ERBB4: variants seen among roughly 807,000 people sequenced by gnomAD.
The protein encoded by ERBB4 is erb-b2 receptor tyrosine kinase 4, also known as receptor tyrosine-protein kinase erbB-4.
A neutral mutation model predicts 158.0 loss-of-function variants in ERBB4; 42 were observed. That is an observed-to-expected ratio of 0.27 (90% CI 0.21 to 0.34). The LOEUF is 0.34. Among genes scored for constraint, ERBB4 ranks in the 10% least tolerant of loss-of-function variants. ERBB4 has a pLI of 1.00. For missense variants in ERBB4, 1,333 were observed against 1,624.1 expected, an observed-to-expected ratio of 0.82 and a Z score of 3.08; for synonymous variants, 583 against 558.7, an observed-to-expected ratio of 1.04 and a Z score of -0.61.
intron 2 of ERBB4, among the ~76,000 whole-genome samples, chr2:211,989,675 A>C (rs1186753768): frequency 6.6e-6 from 1 of 151,934 alleles, no homozygotes. Flanking sequence ...GTGATTTGCT[A>C]TGATATTAGG....
chr2:212,142,289 A>G (rs1040857495), intron 1 of ERBB4, among the ~76,000 whole-genome samples: 40 of 152,100 alleles, frequency 2.6e-4, no homozygotes, highest in Non-Finnish European at 8.8e-5. Context: ...GTTCATTACT[A>G]TATTTATAGC....
chr2:211,379,227 CT>C lies in ERBB4; in HGVS notation c.*4387del, dbSNP rs200418476. On this transcript the variant is annotated 3_prime_UTR_variant, in exon 28 of 28. Transcript: ENST00000342788. ...GTTTGCTAGCTAAATGACACCACTC[CT>C]TTTTTTTTTTGTCTCTGCATAAGGT... is the stretch of plus-strand genomic sequence containing the variant. 8,802 of 187,424 alleles carry C rather than the reference CT, an allele frequency of 0.047. 34 individuals are homozygous for C. Among genetic ancestry groups the C allele is most frequent in the East Asian group, 0.082 (858 of 10,502 alleles). 11.6% of individuals were successfully genotyped at this position (187,424 alleles called of 1,614,324 possible). A position where few individuals can be genotyped will look rare whatever the true frequency, so the allele number is the denominator to read the frequency against.
In ERBB4 at chr2:211,384,085, T is replaced by C. The variant is rs201865480; in HGVS notation, c.3482-25A>G. On this transcript the variant is annotated intron_variant, in intron 27 of 27. Coordinates refer to ENST00000342788, the MANE Select transcript of ERBB4 (RefSeq NM_005235.3). ...TCTAAAGGAATAAAAAAATATCAGC[T>C]AACCTCTAGTTTCTGGAAAATATTA... 212 of 1,546,548 alleles carry C rather than the reference T, an allele frequency of 1.4e-4. No homozygotes were observed. In the African/African-American group the frequency reaches 2.6e-3, roughly 19 times the overall value.
rs1369010215 is a variant in ERBB4 at position 211,890,695 on chromosome 2, A to G, written c.421+56735T>C. Among the ~76,000 whole-genome samples the G allele has an allele frequency of 6.7e-5, 9 of 134,900 alleles. No individual in the cohort carries two copies. The East Asian group carries it at 1.6e-3, about 25-fold the overall frequency. 88.5% of individuals were successfully genotyped at this position (134,900 alleles called of 152,430 possible). ...GCAGAGACACACATAGGCTCAAAATAAAAGGATGGAGGAAGATCTACCAAG... is the reference window on the plus strand; with the variant it reads ...GCAGAGACACACATAGGCTCAAAATGAAAGGATGGAGGAAGATCTACCAAG... On this transcript the variant is annotated intron_variant, in intron 3 of 27. Coordinates refer to ENST00000342788, the MANE Select transcript of ERBB4 (RefSeq NM_005235.3).
At chr2:212,367,373 T>C (rs991382832) in intron 1 of ERBB4, among the ~76,000 whole-genome samples, 10 of 152,072 alleles carry the variant, frequency 6.6e-5, no homozygotes, top group Non-Finnish European at 1.3e-4. Context: ...GCTGGGATAA[T>C]TGGCTAGCCA....
intron 1 of ERBB4, among the ~76,000 whole-genome samples, chr2:212,492,205 T>C (rs2128319): frequency 0.046 from 7,001 of 151,430 alleles, 542 homozygotes; most frequent in African/African-American, 0.16. Flanking sequence ...TGTACCCAAA[T>C]AAGATTATCT....
chr2:211,705,783 G>A (rs927095767), intron 9 of ERBB4, among the ~76,000 whole-genome samples: 4 of 152,126 alleles, frequency 2.6e-5, no homozygotes, highest in African/African-American at 7.2e-5. Flanking sequence ...TGGCATTTCC[G>A]CTCCTCAAAG....
intron 1 of ERBB4, among the ~76,000 whole-genome samples, chr2:212,320,880 T>G (rs903125071): frequency 2.7e-5 from 4 of 150,270 alleles, no homozygotes; most frequent in African/African-American, 9.7e-5. Context: ...AATATATTAT[T>G]ATTATTACTT....
At chr2:211,649,943 C>T (rs2070922822) in intron 16 of ERBB4, among the ~76,000 whole-genome samples, 1 of 151,820 alleles carries the variant, frequency 6.6e-6, no homozygotes, top group African/African-American at 2.4e-5. Flanking sequence ...TAGCTCCTGC[C>T]TATATACATA....
intron 1 of ERBB4, among the ~76,000 whole-genome samples, chr2:212,261,633 G>A (rs992320235): frequency 2.0e-5 from 3 of 152,046 alleles, no homozygotes; most frequent in Non-Finnish European, 4.4e-5. Flanking sequence ...CACATATGAT[G>A]ATAATTCATG....
intron 19 of ERBB4, among the ~76,000 whole-genome samples, chr2:211,587,371 A>G (rs1243647152): frequency 6.6e-6 from 1 of 152,094 alleles, no homozygotes; most frequent in African/African-American, 2.4e-5. Context: ...TAAAAAGATG[A>G]GACACGCTGG....
chr2:211,434,989 T>C (rs2063819409), intron 20 of ERBB4, among the ~76,000 whole-genome samples: 1 of 152,210 alleles, frequency 6.6e-6, no homozygotes, highest in Non-Finnish European at 1.5e-5. Context: ...AACAGTTTTC[T>C]CTACATCACA....
chr2:211,850,798 G>T (rs1468739866), intron 3 of ERBB4, among the ~76,000 whole-genome samples: 1 of 151,792 alleles, frequency 6.6e-6, no homozygotes, highest in Non-Finnish European at 1.5e-5. Context: ...TCTACAGACA[G>T]GTAAGACAGC....
intron 3 of ERBB4, among the ~76,000 whole-genome samples, chr2:211,881,113 C>T (rs540364648): frequency 2.6e-5 from 4 of 152,128 alleles, no homozygotes; most frequent in South Asian, 2.1e-4. Flanking sequence ...AGAATGTCTT[C>T]GAAGCATTTT....
At chr2:211,481,513 A>G (rs2065082147) in intron 20 of ERBB4, among the ~76,000 whole-genome samples, 2 of 151,788 alleles carry the variant, frequency 1.3e-5, no homozygotes, top group Non-Finnish European at 2.9e-5. Flanking sequence ...GTAACACACC[A>G]GGGCTGGAAA....
chr2:212,136,354 G>A (rs1408740131), intron 1 of ERBB4, among the ~76,000 whole-genome samples: 1 of 152,062 alleles, frequency 6.6e-6, no homozygotes, highest in African/African-American at 2.4e-5. Context: ...TATGCAATAG[G>A]CACTATCTAG....
intron 1 of ERBB4, among the ~76,000 whole-genome samples, chr2:212,520,455 T>A (rs1450638501): frequency 6.6e-6 from 1 of 151,960 alleles, no homozygotes; most frequent in Non-Finnish European, 1.5e-5. Context: ...GGTTTTTATC[T>A]TAAAGGTATA....
At chr2:212,406,269 G>A (rs557429231) in intron 1 of ERBB4, among the ~76,000 whole-genome samples, 13 of 152,224 alleles carry the variant, frequency 8.5e-5, no homozygotes, top group South Asian at 4.1e-4. Context: ...CCAAATACCT[G>A]CCAGCAGTGA....
chr2:211,532,460 G>T (rs1385327796), intron 20 of ERBB4, among the ~76,000 whole-genome samples: 1 of 151,760 alleles, frequency 6.6e-6, no homozygotes, highest in Non-Finnish European at 1.5e-5. Flanking sequence ...CTAAAAAAGA[G>T]CACTGAACTT....
Sources: gnomAD v4.1 joint callset for allele counts (sites outside exome capture counted in the v4.1 genomes callset) on GRCh38, gnomAD v4.1.1 for gene constraint, MANE v1.5 for transcripts, NCBI Gene and HGNC (gene_info 2026-07-23, HGNC 2026-07-21) for gene names.